CEMIP: variants seen among roughly 807,000 people sequenced by gnomAD.
CEMIP encodes cell migration inducing hyaluronidase 1, also known as cell migration-inducing and hyaluronan-binding protein.
In CEMIP, 105 loss-of-function variants were observed where a neutral mutation model predicts 156.9. The observed-to-expected ratio is 0.67, with a 90% CI of 0.57 to 0.79. The LOEUF (loss-of-function observed/expected upper bound fraction) is 0.79, where lower values mean the gene tolerates loss of function less well. CEMIP is among the 30% of genes least tolerant of loss of function. The pLI, the probability that CEMIP is intolerant of heterozygous loss-of-function variation, is 0.00. For synonymous variants in CEMIP, 676 were observed against 668.4 expected (o/e 1.01, Z -0.17); for missense variants, 1,457 against 1,769.4 (o/e 0.82, Z 3.17).
At chr15:80,831,122 A>G (rs776872055) in intron 1 of CEMIP, among the ~76,000 whole-genome samples, 34 of 152,130 alleles carry the variant, frequency 2.2e-4, no homozygotes, top group Non-Finnish European at 1.6e-4. Flanking sequence ...GAAATTTGGG[A>G]GGTGTGGGAA....
chr15:80,864,122 C>T (rs1898058584), intron 1 of CEMIP, among the ~76,000 whole-genome samples: 1 of 152,178 alleles, frequency 6.6e-6, no homozygotes, highest in Non-Finnish European at 1.5e-5. Flanking sequence ...CCTTTATCCG[C>T]CCCTGAATTC....
At chr15:80,833,573 G>A (rs1158541527) in intron 1 of CEMIP, among the ~76,000 whole-genome samples, 1 of 152,072 alleles carries the variant, frequency 6.6e-6, no homozygotes, top group African/African-American at 2.4e-5. Context: ...ATGCAGTTTG[G>A]AGGGCTGTGT....
intron 1 of CEMIP, among the ~76,000 whole-genome samples, chr15:80,833,428 A>T (rs891103122): frequency 6.6e-6 from 1 of 152,174 alleles, no homozygotes; most frequent in African/African-American, 2.4e-5. Context: ...AGGAATTCTC[A>T]TTTTTGAAAC....
chr15:80,808,786 CAA>C (rs34648120), intron 1 of CEMIP, among the ~76,000 whole-genome samples: 2,405 of 143,896 alleles, frequency 0.017, 42 homozygotes, highest in African/African-American at 0.047. Context: ...ATGGGGAAGC[CAA>C]AAAAAAAAAA....
chr15:80,818,941 A>C (rs1896851126), intron 1 of CEMIP, among the ~76,000 whole-genome samples: 1 of 152,110 alleles, frequency 6.6e-6, no homozygotes, highest in African/African-American at 2.4e-5. Flanking sequence ...GTGGCTTCCA[A>C]ACTCCTCTCT....
intron 5 of CEMIP, 83 bp from the exon 6 acceptor site, chr15:80,880,817 C>T: frequency 2.7e-6 from 3 of 1,122,746 alleles, no homozygotes; most frequent in Non-Finnish European, 4.1e-6. Flanking sequence ...GGGAGCTGAG[C>T]TGTGACTCCT....
intron 1 of CEMIP, among the ~76,000 whole-genome samples, chr15:80,788,284 A>T (rs1279797229): frequency 2.0e-5 from 3 of 152,082 alleles, no homozygotes; most frequent in Non-Finnish European, 2.9e-5. Flanking sequence ...GAGCCTGGCC[A>T]ACATGGTGAA....
At position 80,789,370 on chromosome 15, in the gene CEMIP, G is replaced by A. The variant is rs149950428; in HGVS notation, c.-176+9756G>A. 5.1e-4 allele frequency among the ~76,000 whole-genome samples: 77 copies of A among 152,310 alleles called. No individual in the cohort carries two copies. In the East Asian group the frequency reaches 0.014, roughly 27 times the overall value. On this transcript the variant is annotated intron_variant, in intron 1 of 29. Coordinates refer to ENST00000394685, the MANE Select transcript of CEMIP (RefSeq NM_001293298.2). ...TCCCTTACTTCCCTTCCTTTTCGGA[G>A]AGGGCAGGAATTGTGGTGCTCCGTA...
Position 80,942,250 on chromosome 15 carries a change from G to C in CEMIP, c.3613-1G>C. 6.2e-7 allele frequency: 1 copy of C among 1,613,440 alleles called. No individual in the cohort carries two copies. Among genetic ancestry groups the C allele is most frequent in the African/African-American group, 1.3e-5 (1 of 75,038 alleles). On this transcript the variant is annotated splice_acceptor_variant, in intron 26 of 29. Coordinates refer to ENST00000394685, the MANE Select transcript of CEMIP (RefSeq NM_001293298.2). LOFTEE classifies it high-confidence loss of function. ...TACATTGGGTTCTATGTGTTTTCCAGAAAACAAAGGACCATTTCTTGGAGG... is the reference window on the plus strand; with the variant it reads ...TACATTGGGTTCTATGTGTTTTCCACAAAACAAAGGACCATTTCTTGGAGG...
At chr15:80,942,807 A>T in intron 27 of CEMIP, 138 bp from the exon 28 acceptor site, 1 of 986,746 alleles carries the variant, frequency 1.0e-6, no homozygotes, top group Non-Finnish European at 1.6e-6. Flanking sequence ...ACGAGGAGTT[A>T]AGTGGATAAT....
chr15:80,937,328 T>C (rs184841927), intron 24 of CEMIP, among the ~76,000 whole-genome samples: 1 of 152,206 alleles, frequency 6.6e-6, no homozygotes, highest in African/African-American at 2.4e-5. Context: ...GGGCTTCATA[T>C]ATTTAGATTC....
intron 1 of CEMIP, among the ~76,000 whole-genome samples, chr15:80,863,151 G>T (rs1046706924): frequency 6.6e-6 from 1 of 152,178 alleles, no homozygotes; most frequent in African/African-American, 2.4e-5. Context: ...AACAGGGAAA[G>T]TACTCTTTTT....
chr15:80,867,681 G>T (rs1469949171), intron 1 of CEMIP, among the ~76,000 whole-genome samples: 2 of 152,242 alleles, frequency 1.3e-5, no homozygotes, highest in East Asian at 3.8e-4. Flanking sequence ...GCTGCTGGAA[G>T]TTCCCCAGGC....
intron 12 of CEMIP, among the ~76,000 whole-genome samples, chr15:80,904,936 CT>C: frequency 6.6e-6 from 1 of 152,232 alleles, no homozygotes; most frequent in Admixed American, 6.5e-5. Context: ...CAAATTTGCC[CT>C]GCGTCAATTT....
At chr15:80,908,535 T>C (rs974969296) in intron 13 of CEMIP, among the ~76,000 whole-genome samples, 2 of 152,160 alleles carry the variant, frequency 1.3e-5, no homozygotes, top group African/African-American at 4.8e-5. Context: ...AATGGGTCTA[T>C]GCATATCGTG....
chr15:80,826,576 A>G (rs1384905181), intron 1 of CEMIP, among the ~76,000 whole-genome samples: 1 of 152,224 alleles, frequency 6.6e-6, no homozygotes, highest in African/African-American at 2.4e-5. Context: ...AACTTGAGCT[A>G]TAGTCTCTTG....
chr15:80,933,266 G>A lies in CEMIP; in HGVS notation c.2815G>A (p.Gly939Arg), dbSNP rs755638227. ...DVPITSRVFF[G>R]EPGPWFNQLD... ...TTAGATTACTTCCAGAGTGTTCTTC[G>A]GAGAGCCTGGGCCCTGGTTCAACCA... The change falls in exon 23 of 30, where the codon GGA becomes AGA. Residue 939 changes from glycine (G) to arginine (R), a missense_variant. This residue lies in a region of CEMIP where 798 missense variants were observed against 980.1 expected (regional missense o/e 0.81). Coordinates refer to ENST00000394685, the MANE Select transcript of CEMIP (RefSeq NM_001293298.2). The A allele has an allele frequency of 3.7e-6, 6 of 1,614,002 alleles. No individual in the cohort carries two copies. The highest frequency in any genetic ancestry group is 2.7e-5 in the African/African-American group (2 of 74,884).
chr15:80,936,352 A>G (rs1901120937), intron 23 of CEMIP, among the ~76,000 whole-genome samples: 1 of 152,238 alleles, frequency 6.6e-6, no homozygotes, highest in African/African-American at 2.4e-5. Context: ...TCCTCCGTCC[A>G]CATCTCTGTC....
At chr15:80,926,220 G>C (rs995246576) in intron 19 of CEMIP, among the ~76,000 whole-genome samples, 5 of 152,204 alleles carry the variant, frequency 3.3e-5, no homozygotes, top group African/African-American at 1.2e-4. Context: ...CAGTTAGCTA[G>C]AGTTTGAACT....
Sources: allele counts gnomAD v4.1 joint callset (sites outside exome capture counted in the v4.1 genomes callset), GRCh38; gene constraint gnomAD v4.1.1; regional missense constraint gnomAD v4.1.1; transcripts MANE v1.5; gene names NCBI Gene and HGNC (gene_info 2026-07-23, HGNC 2026-07-21).